The following ENPP3 variants were observed in gnomAD, a reference collection of about 807,000 sequenced individuals.
ENPP3 encodes the protein ectonucleotide pyrophosphatase/phosphodiesterase 3, also known as ectonucleotide pyrophosphatase/phosphodiesterase family member 3.
A neutral mutation model predicts 117.8 loss-of-function variants in ENPP3; 104 were observed. The ratio of observed to expected loss-of-function variants is 0.88; its 90% CI spans 0.75 to 1.04. The LOEUF (loss-of-function observed/expected upper bound fraction) is 1.04, where lower values mean the gene tolerates loss of function less well. ENPP3 is among the 50% of genes least tolerant of loss of function. The pLI, the probability that ENPP3 is intolerant of heterozygous loss-of-function variation, is 0.00. For synonymous variants in ENPP3, 380 were observed against 349.9 expected (o/e 1.09, Z -0.96); for missense variants, 1,026 against 1,051.9 (o/e 0.98, Z 0.34).
In ENPP3 at chr6:131,685,391, T is replaced by C; in HGVS notation, c.1148T>C (p.Met383Thr). ...ATGGACCAGACTTATTGTAACAAGA[T>C]GGAATACATGACTGATTATTTTCCC... ...HGMDQTYCNK[M>T]EYMTDYFPRI... Residue 383 changes from methionine (M) to threonine (T), a missense_variant, in exon 13 of 25, where the codon ATG becomes ACG. By Grantham distance (81) the Met-to-Thr change is moderately conservative. Coordinates refer to ENST00000357639, the MANE Select transcript of ENPP3 (RefSeq NM_005021.5). 3 of 1,612,294 alleles carry C rather than the reference T, an allele frequency of 1.9e-6. No individual in the cohort carries two copies. The highest frequency in any genetic ancestry group is 2.5e-6 in the Non-Finnish European group (3 of 1,178,400).
At chr6:131,684,337 A>G (rs1453131928) in intron 12 of ENPP3, among the ~76,000 whole-genome samples, 1 of 152,232 alleles carries the variant, frequency 6.6e-6, no homozygotes. Flanking sequence ...TTAAAATTAA[A>G]TGGAAACTTT....
At chr6:131,720,640 G>A (rs1249062348) in intron 17 of ENPP3, among the ~76,000 whole-genome samples, 1 of 152,130 alleles carries the variant, frequency 6.6e-6, no homozygotes, top group Non-Finnish European at 1.5e-5. Flanking sequence ...GGAGTGCAGT[G>A]GTGTGATCCT....
At chr6:131,701,150 G>T in intron 15 of ENPP3, 1 of 720,898 alleles carries the variant, frequency 1.4e-6, no homozygotes, top group South Asian at 1.7e-5. Flanking sequence ...CTGGATGCAG[G>T]AGGTTCACCA....
intron 20 of ENPP3, among the ~76,000 whole-genome samples, chr6:131,728,634 T>C (rs1205921475): frequency 6.6e-6 from 1 of 152,212 alleles, no homozygotes; most frequent in Non-Finnish European, 1.5e-5. Flanking sequence ...CATAAAAATG[T>C]TGTAAATCAG....
intron 10 of ENPP3, among the ~76,000 whole-genome samples, chr6:131,677,232 T>C (rs1778889062): frequency 6.6e-6 from 1 of 152,052 alleles, no homozygotes; most frequent in South Asian, 2.1e-4. Flanking sequence ...GATATCTCTC[T>C]CAAAAATAAA....
intron 24 of ENPP3, among the ~76,000 whole-genome samples, chr6:131,743,219 G>A (rs983973874): frequency 2.0e-5 from 3 of 151,990 alleles, no homozygotes; most frequent in Non-Finnish European, 2.9e-5. Context: ...GTTTTGAGAA[G>A]GATGGATTTG....
chr6:131,682,634 G>A (rs1779051041), intron 11 of ENPP3, among the ~76,000 whole-genome samples: 1 of 152,214 alleles, frequency 6.6e-6, no homozygotes, highest in Non-Finnish European at 1.5e-5. Context: ...GAATCGTTGA[G>A]TTGCAGATGC....
At chr6:131,743,180 C>G (rs1303619319) in intron 24 of ENPP3, among the ~76,000 whole-genome samples, 1 of 150,792 alleles carries the variant, frequency 6.6e-6, no homozygotes, top group Admixed American at 6.6e-5. Flanking sequence ...CATGACTGAC[C>G]AGGAAATGTA....
At chr6:131,665,509 G>A (rs948604011) in intron 6 of ENPP3, among the ~76,000 whole-genome samples, 1 of 151,920 alleles carries the variant, frequency 6.6e-6, no homozygotes, top group Non-Finnish European at 1.5e-5. Flanking sequence ...TTTCTAGTAG[G>A]TTATTCAGTT....
At chr6:131,659,242 G>A (rs1778448393) in intron 6 of ENPP3, among the ~76,000 whole-genome samples, 1 of 152,066 alleles carries the variant, frequency 6.6e-6, no homozygotes, top group Non-Finnish European at 1.5e-5. Flanking sequence ...GAGCTCAGGA[G>A]TTTGAGACCA....
At chr6:131,701,480 C>G in intron 15 of ENPP3, 2 of 621,066 alleles carry the variant, frequency 3.2e-6, no homozygotes, top group Non-Finnish European at 5.8e-6. Flanking sequence ...TTAACTTGTT[C>G]GGCACTCTTT....
At chr6:131,668,718 A>C (rs1362070172) in intron 6 of ENPP3, among the ~76,000 whole-genome samples, 1 of 152,156 alleles carries the variant, frequency 6.6e-6, no homozygotes. Flanking sequence ...TTTTAAGGCA[A>C]TATTCGAGGG....
intron 6 of ENPP3, among the ~76,000 whole-genome samples, chr6:131,663,591 GA>G (rs559347008): frequency 0.013 from 1,997 of 148,900 alleles, 46 homozygotes; most frequent in African/African-American, 0.046. Context: ...CTACTCAAGA[GA>G]CTGAGGCAGA....
rs568671222 is a variant in ENPP3, at chr6:131,744,166, G to A, written c.2458-2620G>A. Reference sequence around the variant, plus strand: ...CAATTTTATCCCACACTTGGTGTAAGGAATTAGATCATATTTCCTTATTTA... The same window carrying A: ...CAATTTTATCCCACACTTGGTGTAAAGAATTAGATCATATTTCCTTATTTA... On this transcript the variant is annotated intron_variant, in intron 24 of 24. Transcript: ENST00000357639. 2.0e-5 allele frequency among the ~76,000 whole-genome samples: 3 copies of A among 152,308 alleles called. No individual in the cohort carries two copies. The East Asian group carries it at 5.8e-4, about 29-fold the overall frequency.
chr6:131,693,409 G>C (rs1779332408), intron 14 of ENPP3, 88 bp from the exon 15 acceptor site: 27 of 1,186,048 alleles, frequency 2.3e-5, no homozygotes, highest in Non-Finnish European at 3.1e-5. Context: ...CTTTTAAAAG[G>C]TGCTTCATAA....
intron 1 of ENPP3, among the ~76,000 whole-genome samples, chr6:131,637,900 T>C (rs1047338416): frequency 6.6e-6 from 1 of 152,066 alleles, no homozygotes; most frequent in African/African-American, 2.4e-5. Context: ...TCTTGTCATT[T>C]CATGTGGTAA....
rs371138539 is a variant in ENPP3, at chr6:131,675,159, C to T, written c.842C>T (p.Ser281Phe). ...GGATCAGAAGTGGCTATAAATGGCTCCTTTCCTTCCATATACATGCCTTAC... is the reference window on the plus strand; with the variant it reads ...GGATCAGAAGTGGCTATAAATGGCTTCTTTCCTTCCATATACATGCCTTAC... ...WPGSEVAING[S>F]FPSIYMPYNG... The change falls in exon 9 of 25, where the codon TCC becomes TTC. Residue 281 changes from serine to phenylalanine, a missense_variant. By Grantham distance (155) the Ser-to-Phe change is radical. Coordinates refer to ENST00000357639, the MANE Select transcript of ENPP3 (RefSeq NM_005021.5). The T allele has an allele frequency of 1.9e-6, 3 of 1,611,752 alleles. No individual in the cohort carries two copies. The highest frequency in any genetic ancestry group is 2.5e-6 in the Non-Finnish European group (3 of 1,178,064).
intron 15 of ENPP3, among the ~76,000 whole-genome samples, chr6:131,697,061 C>A (rs111554749): frequency 9.2e-5 from 14 of 152,108 alleles, no homozygotes; most frequent in Non-Finnish European, 1.6e-4. Flanking sequence ...GCCACCGTGC[C>A]GGCCTGAGCA....
In ENPP3 at chr6:131,677,946, T is replaced by C. The variant is rs779202666; in HGVS notation, c.1011+6T>C. On this transcript the variant is annotated splice_donor_region_variant and intron_variant, in intron 11 of 24. Coordinates refer to ENST00000357639, the MANE Select transcript of ENPP3 (RefSeq NM_005021.5). Reference sequence around the variant, plus strand: ...GTGGACCAGTCAGTGCCAGAGTAAGTTGTTGTTTTCTTAAAAGAAAAAAAA... The same window carrying C: ...GTGGACCAGTCAGTGCCAGAGTAAGCTGTTGTTTTCTTAAAAGAAAAAAAA... 1.4e-5 allele frequency: 22 copies of C among 1,586,228 alleles called. No individual in the cohort carries two copies. In the South Asian group the frequency reaches 2.5e-4, roughly 18 times the overall value.
Sources: gnomAD v4.1 joint callset for allele counts (sites outside exome capture counted in the v4.1 genomes callset) on GRCh38, gnomAD v4.1.1 for gene constraint, MANE v1.5 for transcripts, NCBI Gene and HGNC (gene_info 2026-07-23, HGNC 2026-07-21) for gene names.